Variants in SSBP3 observed in about 807,000 individuals in gnomAD.
The protein encoded by SSBP3 is single-stranded DNA-binding protein 3.
SSBP3 carries 5 observed loss-of-function variants against 69.6 expected under a neutral mutation model. The observed-to-expected ratio is 0.07, with a 90% confidence interval of 0.04 to 0.15. The LOEUF (loss-of-function observed/expected upper bound fraction) is 0.15, where lower values mean the gene tolerates loss of function less well. SSBP3 is among the 10% of genes least tolerant of loss of function. The pLI is 1.00. For missense variants in SSBP3, 312 were observed against 534.0 expected (o/e 0.58, Z 4.10); for synonymous variants, 196 against 193.4 (o/e 1.01, Z -0.11).
At chr1:54,407,816 CT>C (rs1327338626), upstream of SSBP3, among the ~76,000 whole-genome samples, 1 of 147,882 alleles carries the variant, frequency 6.8e-6, no homozygotes, top group African/African-American at 2.5e-5. Context: ...GCCCCTCCCC[CT>C]AACATGCCTC....
intron 4 of SSBP3, among the ~76,000 whole-genome samples, chr1:54,391,628 G>A (rs752667782): frequency 3.4e-4 from 52 of 152,362 alleles, no homozygotes; most frequent in Non-Finnish European, 5.4e-4. Context: ...CCAGGGAGCA[G>A]TTGTGCTTCT....
intron 4 of SSBP3, among the ~76,000 whole-genome samples, chr1:54,389,603 A>G (rs577014732): frequency 1.2e-4 from 19 of 152,312 alleles, no homozygotes; most frequent in African/African-American, 4.1e-4. Flanking sequence ...TTACACCTGT[A>G]ATCCCAGCAC....
intron 4 of SSBP3, among the ~76,000 whole-genome samples, chr1:54,380,088 G>T (rs1393755046): frequency 1.3e-5 from 2 of 152,168 alleles, no homozygotes; most frequent in East Asian, 1.9e-4. Context: ...GGCCAATCTC[G>T]CCAGGGAAAG....
intron 4 of SSBP3, among the ~76,000 whole-genome samples, chr1:54,326,059 T>C (rs1646297096): frequency 6.6e-6 from 1 of 152,038 alleles, no homozygotes; most frequent in Non-Finnish European, 1.5e-5. Context: ...AGGTTCCTTT[T>C]AGCAGGGATG....
At chr1:54,240,295 T>C (rs1644607484) in intron 13 of SSBP3, among the ~76,000 whole-genome samples, 1 of 149,610 alleles carries the variant, frequency 6.7e-6, no homozygotes. Context: ...CCATCTCTAC[T>C]AAAAATACAA....
chr1:54,328,555 A>C (rs1255312568), intron 4 of SSBP3, among the ~76,000 whole-genome samples: 2 of 152,154 alleles, frequency 1.3e-5, no homozygotes, highest in Non-Finnish European at 2.9e-5. Flanking sequence ...CTCAGGCTCC[A>C]TGCTGCCTTG....
intron 4 of SSBP3, among the ~76,000 whole-genome samples, chr1:54,337,770 T>C (rs1463703389): frequency 2.0e-5 from 3 of 152,008 alleles, no homozygotes; most frequent in African/African-American, 7.2e-5. Flanking sequence ...GCTGGGATGA[T>C]AGGCGTGGGC....
intron 4 of SSBP3, among the ~76,000 whole-genome samples, chr1:54,282,647 C>T (rs899822647): frequency 2.0e-5 from 3 of 152,130 alleles, no homozygotes; most frequent in African/African-American, 7.2e-5. Context: ...CGGGGCGGGG[C>T]GAGGCTGAGA....
chr1:54,324,020 A>G (rs1256167178), intron 4 of SSBP3, among the ~76,000 whole-genome samples: 2 of 152,210 alleles, frequency 1.3e-5, no homozygotes, highest in African/African-American at 4.8e-5. Context: ...TTAATCCTCA[A>G]GCATCCTTGA....
At chr1:54,284,616 C>T (rs1032771644) in intron 4 of SSBP3, among the ~76,000 whole-genome samples, 1 of 151,846 alleles carries the variant, frequency 6.6e-6, no homozygotes, top group Non-Finnish European at 1.5e-5. Flanking sequence ...TACATGTGCA[C>T]ACCACCATAC....
At chr1:54,256,629 C>T (rs1189308592) in intron 7 of SSBP3, among the ~76,000 whole-genome samples, 1 of 152,068 alleles carries the variant, frequency 6.6e-6, no homozygotes, top group Non-Finnish European at 1.5e-5. Context: ...ACTCACAAAT[C>T]TCCTGCTCTG....
At chr1:54,321,829 C>T (rs1646219647) in intron 4 of SSBP3, among the ~76,000 whole-genome samples, 1 of 152,132 alleles carries the variant, frequency 6.6e-6, no homozygotes. Context: ...ATAGAATGTC[C>T]CCCATGAGAA....
rs577623121 is a variant in SSBP3 at position 54,363,367 on chromosome 1, A to AT, written c.276+38493dup. Reference sequence around the variant, plus strand: ...CTCAGCAATGGTGTGAATCATGAGTATTTCTTCACCTGGAGAAAAAGTACT... The same window carrying AT: ...CTCAGCAATGGTGTGAATCATGAGTATTTTCTTCACCTGGAGAAAAAGTACT... On this transcript the variant is annotated intron_variant, in intron 4 of 17. Coordinates refer to ENST00000610401, the Ensembl canonical transcript of SSBP3. Among the ~76,000 whole-genome samples, 453 of 152,282 alleles carry AT rather than the reference A, an allele frequency of 3.0e-3. 3 individuals are homozygous for AT. Among genetic ancestry groups the AT allele is most frequent in the African/African-American group, 0.01 (426 of 41,544 alleles).
intron 5 of SSBP3, among the ~76,000 whole-genome samples, chr1:54,272,327 A>C (rs915178878): frequency 6.6e-6 from 1 of 152,044 alleles, no homozygotes; most frequent in African/African-American, 2.4e-5. Flanking sequence ...AGCCCAGCCC[A>C]GACTCCCCTG....
At chr1:54,349,910 G>A (rs2100572545) in intron 4 of SSBP3, among the ~76,000 whole-genome samples, 1 of 152,080 alleles carries the variant, frequency 6.6e-6, no homozygotes, top group Admixed American at 6.5e-5. Context: ...GGAGCCCCTG[G>A]TACATCTCCC....
intron 4 of SSBP3, among the ~76,000 whole-genome samples, chr1:54,370,346 G>A (rs759996650): frequency 5.3e-5 from 8 of 152,188 alleles, no homozygotes; most frequent in South Asian, 2.1e-4. Context: ...CTTGCATGGC[G>A]ATGCTATTCG....
chr1:54,350,971 C>T (rs926345454), intron 4 of SSBP3, among the ~76,000 whole-genome samples: 26 of 152,030 alleles, frequency 1.7e-4, no homozygotes, highest in Admixed American at 7.9e-4. Context: ...ACTACAGGCA[C>T]GTGCCGCCAA....
chr1:54,228,557 G>A (rs1644327856), intron 15 of SSBP3, 80 bp from the exon 16 acceptor site: 1 of 1,583,448 alleles, frequency 6.3e-7, no homozygotes, highest in Non-Finnish European at 8.6e-7. Flanking sequence ...GGCTCCTCGG[G>A]CCTCTAAGCC....
intron 4 of SSBP3, among the ~76,000 whole-genome samples, chr1:54,309,924 C>T (rs1645969277): frequency 1.3e-5 from 2 of 152,036 alleles, no homozygotes; most frequent in South Asian, 4.2e-4. Flanking sequence ...TCTTGTTGCT[C>T]GGATGTTGGT....
Sources: allele counts gnomAD v4.1 joint callset (sites outside exome capture counted in the v4.1 genomes callset), GRCh38; gene constraint gnomAD v4.1.1; transcripts MANE v1.5; gene names NCBI Gene and HGNC (gene_info 2026-07-23, HGNC 2026-07-21).